LRP2BP: variants seen among roughly 807,000 people sequenced by gnomAD.
The protein encoded by LRP2BP is LRP2-binding protein.
LRP2BP carries 38 observed loss-of-function variants against 45.2 expected under a neutral mutation model. The ratio of observed to expected loss-of-function variants is 0.84; its 90% CI spans 0.65 to 1.10. The LOEUF is 1.10. LRP2BP is among the 50% of genes least tolerant of loss of function. The pLI, the probability that LRP2BP is intolerant of heterozygous loss-of-function variation, is 0.00. For missense variants in LRP2BP, 385 were observed against 418.9 expected (o/e 0.92, Z 0.71); for synonymous variants, 153 against 153.9 (o/e 0.99, Z 0.04).
intron 7 of LRP2BP, 128 bp downstream of exon 7, chr4:185,372,728 T>A (rs2095420052): frequency 4.3e-6 from 3 of 692,164 alleles, no homozygotes; most frequent in Non-Finnish European, 7.1e-6. Flanking sequence ...GACATGATGG[T>A]CCTCCCCTCT....
intron 1 of LRP2BP, among the ~76,000 whole-genome samples, chr4:185,393,462 C>A (rs2095493624): frequency 6.6e-6 from 1 of 151,778 alleles, no homozygotes; most frequent in Admixed American, 6.6e-5. Context: ...ATCGGTTCCA[C>A]CAACTACTTT....
intron 1 of LRP2BP, among the ~76,000 whole-genome samples, chr4:185,389,235 GTCTCACACTGTT>G (rs1246343964): frequency 1.3e-5 from 2 of 151,048 alleles, no homozygotes; most frequent in Admixed American, 1.3e-4. Context: ...TGAGAACGGA[GTCTCACACTGTT>G]GCCCAGGCTG....
At chr4:185,384,697 T>C (rs1021958401) in intron 1 of LRP2BP, among the ~76,000 whole-genome samples, 3 of 151,570 alleles carry the variant, frequency 2.0e-5, no homozygotes, top group Non-Finnish European at 4.4e-5. Context: ...AACCCGTGTT[T>C]ATTGTTATTT....
chr4:185,365,319 T>G lies in LRP2BP; in HGVS notation c.*1861A>C, dbSNP rs1008184169. The G allele has an allele frequency of 1.3e-5, 2 of 152,100 alleles. No homozygotes were observed. The highest frequency in any genetic ancestry group is 2.9e-5 in the Non-Finnish European group (2 of 68,010). 9.4% of individuals were successfully genotyped at this position (152,100 alleles called of 1,614,324 possible). A position where few individuals can be genotyped will look rare whatever the true frequency, so the allele number is the denominator to read the frequency against. On this transcript the variant is annotated 3_prime_UTR_variant, in exon 9 of 9. Coordinates refer to ENST00000505916, the MANE Select transcript of LRP2BP (RefSeq NM_001377440.1). ...GGCAGTTTAAAAAGTGCTCTTTACT[T>G]AGGGCCGATCTTTTATTATGTTCCT...
rs2095435240 is a variant in LRP2BP, at chr4:185,375,743, GA to G, written c.217-18del. ...ATACCATCCCTAGAAGCACCCAGAA[GA>G]TATTTAATTATTTTTATTATGATCT... On this transcript the variant is annotated intron_variant, in intron 3 of 8. Transcript: ENST00000505916. The G allele has an allele frequency of 6.6e-7, 1 of 1,504,084 alleles. No homozygotes were observed. 93.2% of individuals were successfully genotyped at this position (1,504,084 alleles called of 1,614,324 possible).
In LRP2BP at chr4:185,371,485, T is replaced by A. The variant is rs1451564546; in HGVS notation, c.804-671A>T. Among the ~76,000 whole-genome samples, 3 of 137,984 alleles carry A rather than the reference T, an allele frequency of 2.2e-5. No individual in the cohort carries two copies. The East Asian group carries it at 6.3e-4, about 29-fold the overall frequency. The allele number at this position is 137,984 out of a possible 152,430, so 90.5% of individuals were successfully genotyped here. ...TGAACCCGGAAGGCAGAGCTTGCAGTGAGCCGAGATCGCACCACTGCACTC... is the reference window on the plus strand; with the variant it reads ...TGAACCCGGAAGGCAGAGCTTGCAGAGAGCCGAGATCGCACCACTGCACTC... On this transcript the variant is annotated intron_variant, in intron 7 of 8. Coordinates refer to ENST00000505916, the MANE Select transcript of LRP2BP (RefSeq NM_001377440.1).
At chr4:185,385,983 A>C (rs1020955424) in intron 1 of LRP2BP, among the ~76,000 whole-genome samples, 8 of 151,976 alleles carry the variant, frequency 5.3e-5, no homozygotes, top group Non-Finnish European at 1.2e-4. Context: ...CTTCAGGGGA[A>C]GTTGTGTCTT....
At chr4:185,390,242 G>A (rs1367877546) in intron 1 of LRP2BP, among the ~76,000 whole-genome samples, 1 of 152,178 alleles carries the variant, frequency 6.6e-6, no homozygotes, top group Non-Finnish European at 1.5e-5. Flanking sequence ...CGGGCAGGGT[G>A]GCTCACGCCT....
chr4:185,392,458 T>C (rs1319345533), intron 1 of LRP2BP, among the ~76,000 whole-genome samples: 3 of 152,226 alleles, frequency 2.0e-5, no homozygotes, highest in Non-Finnish European at 2.9e-5. Context: ...GCTGGAAGAA[T>C]TTATGTTAAA....
At position 185,376,443 on chromosome 4, in the gene LRP2BP, CTT is replaced by C. The variant is rs34024562; in HGVS notation, c.216+464_216+465del. Among the ~76,000 whole-genome samples, 864 of 105,746 alleles carry C rather than the reference CTT, an allele frequency of 8.2e-3. 3 individuals carry two copies. The highest frequency in any genetic ancestry group is 0.032 in the African/African-American group (827 of 25,656). The allele number at this position is 105,746 out of a possible 152,430, so 69.4% of individuals were successfully genotyped here. A position where few individuals can be genotyped will look rare whatever the true frequency, so the allele number is the denominator to read the frequency against. On this transcript the variant is annotated intron_variant, in intron 3 of 8. Coordinates refer to ENST00000505916, the MANE Select transcript of LRP2BP (RefSeq NM_001377440.1). ...AGATGTGTGCCACCATGCCCAGCTA[CTT>C]TTTTTTTTTTTTTTTTTTTTGTATT...
intron 3 of LRP2BP, among the ~76,000 whole-genome samples, chr4:185,376,646 A>G (rs1334604983): frequency 6.6e-6 from 1 of 151,800 alleles, no homozygotes; most frequent in African/African-American, 2.4e-5. Flanking sequence ...TAAAAATTTG[A>G]TTTTTAATCT....
intron 1 of LRP2BP, among the ~76,000 whole-genome samples, chr4:185,387,181 C>A (rs990046476): frequency 6.9e-6 from 1 of 144,456 alleles, no homozygotes; most frequent in Non-Finnish European, 1.5e-5. Flanking sequence ...TGCAGTGAGC[C>A]GAGATTGCGC....
chr4:185,375,542 ATAATTT>A (rs1392592474), intron 4 of LRP2BP, 65 bp downstream of exon 4: 3 of 279,486 alleles, frequency 1.1e-5, no homozygotes, highest in Non-Finnish European at 1.9e-5. Context: ...TAAAATATAA[ATAATTT>A]TAATTGTGTC....
chr4:185,379,840 C>T (rs536722346), intron 1 of LRP2BP, among the ~76,000 whole-genome samples: 2 of 152,082 alleles, frequency 1.3e-5, no homozygotes, highest in African/African-American at 4.8e-5. Flanking sequence ...CTCTCTGAGA[C>T]AGCGTCTCAC....
chr4:185,395,303 C>A lies in LRP2BP; in HGVS notation c.-546G>T. 1 of 985,478 alleles carries A rather than the reference C, an allele frequency of 1.0e-6. No individual in the cohort carries two copies. Among genetic ancestry groups the A allele is most frequent in the Non-Finnish European group, 1.2e-6 (1 of 829,934 alleles). 61.0% of individuals were successfully genotyped at this position (985,478 alleles called of 1,614,324 possible). ...GCACTTTCACCACACAAATATCCCACTACATATGCTAACTGCAGTATTTAT... is the reference window on the plus strand; with the variant it reads ...GCACTTTCACCACACAAATATCCCAATACATATGCTAACTGCAGTATTTAT... On this transcript the variant is annotated 5_prime_UTR_variant, in exon 1 of 9. It removes the in-frame stop codon of an upstream open reading frame in the 5' UTR. Transcript: ENST00000505916.
rs1438677441 is a variant in LRP2BP, at chr4:185,364,369, A to G, written c.*2811T>C. ...GTTATTGATAGTGGGGCCATGCACAAGTACTTAATTTTCCTGGGTTTCACC... is the reference window on the plus strand; with the variant it reads ...GTTATTGATAGTGGGGCCATGCACAGGTACTTAATTTTCCTGGGTTTCACC... On this transcript the variant is annotated 3_prime_UTR_variant, in exon 9 of 9. Transcript: ENST00000505916. 6.6e-6 allele frequency: 1 copy of G among 152,214 alleles called. No individual in the cohort carries two copies. The highest frequency in any genetic ancestry group is 2.1e-4 in the South Asian group (1 of 4,830). The allele number at this position is 152,214 out of a possible 1,614,324, so 9.4% of individuals were successfully genotyped here.
rs779623755 is a variant in LRP2BP, at chr4:185,370,702, A to T, written c.916T>A (p.Cys306Ser). The T allele has an allele frequency of 6.2e-7, 1 of 1,614,046 alleles. No homozygotes were observed. Among genetic ancestry groups the T allele is most frequent in the East Asian group, 2.2e-5 (1 of 44,854 alleles). Residue 306 changes from cysteine to serine, a missense_variant, in exon 8 of 9, where the codon TGT (cysteine) becomes AGT (serine). By Grantham distance (112) the Cys-to-Ser change is moderately radical. Transcript: ENST00000505916. ...GTGATGCCCAAGCCAAGCTGAAGAC[A>T]CCTTGCGTGGTAGAAGGATGCCATT... Reference protein sequence around the residue: ...MAMASFYHARCLQLGLGITRD... With the variant: ...MAMASFYHARSLQLGLGITRD...
At chr4:185,396,165 CCGGGCTCG>C (rs967614675), upstream of LRP2BP, 1 of 152,442 alleles carries the variant, frequency 6.6e-6, no homozygotes, top group African/African-American at 2.4e-5. Context: ...CCTGCGCGGG[CCGGGCTCG>C]GCCGTTGCCA....
intron 1 of LRP2BP, among the ~76,000 whole-genome samples, chr4:185,386,154 AC>A: frequency 6.6e-6 from 1 of 152,348 alleles, no homozygotes; most frequent in South Asian, 2.1e-4. Context: ...AAAAAATAAA[AC>A]ACAAAACAAG....
Sources: gnomAD v4.1 joint callset for allele counts (sites outside exome capture counted in the v4.1 genomes callset) on GRCh38, gnomAD v4.1.1 for gene constraint, MANE v1.5 for transcripts, NCBI Gene and HGNC (gene_info 2026-07-23, HGNC 2026-07-21) for gene names.